FBLN5: variants seen among roughly 807,000 people sequenced by gnomAD.
FBLN5 encodes the protein fibulin-5.
Under a neutral mutation model 61.6 loss-of-function variants are expected in FBLN5, and 24 were observed. The observed-to-expected ratio is 0.39, with a 90% CI of 0.28 to 0.55. FBLN5 has a LOEUF of 0.55. Among genes scored for constraint, FBLN5 ranks in the 20% least tolerant of loss-of-function variants. FBLN5 has a pLI of 0.65. For synonymous variants in FBLN5, 213 were observed against 219.8 expected (o/e 0.97, Z 0.27); for missense variants, 470 against 594.1 (o/e 0.79, Z 2.17).
chr14:91,909,889 G>A (rs1466510526), intron 4 of FBLN5, among the ~76,000 whole-genome samples: 3 of 152,118 alleles, frequency 2.0e-5, no homozygotes, highest in Admixed American at 6.5e-5. Flanking sequence ...AGAAAAAAAC[G>A]TGTTGGTGAG....
intron 5 of FBLN5, among the ~76,000 whole-genome samples, chr14:91,892,071 G>C (rs1450051854): frequency 6.6e-6 from 1 of 152,190 alleles, no homozygotes; most frequent in Non-Finnish European, 1.5e-5. Flanking sequence ...CGGCACTGTG[G>C]GTGAATGGAT....
chr14:91,922,829 TATC>T (rs1408051524), intron 4 of FBLN5, among the ~76,000 whole-genome samples: 4 of 152,182 alleles, frequency 2.6e-5, no homozygotes, highest in African/African-American at 9.7e-5. Flanking sequence ...GGCCAGGCCC[TATC>T]ATCACAGTGA....
chr14:91,943,450 A>C lies in FBLN5; in HGVS notation c.18-489T>G, dbSNP rs1239654475. Among the ~76,000 whole-genome samples the C allele has an allele frequency of 6.6e-6, 1 of 152,034 alleles. No homozygotes were observed. The highest frequency in any genetic ancestry group is 1.5e-5 in the Non-Finnish European group (1 of 67,992). ...CTGAGCCCAGGGGGTTTGAGGCTGC[A>C]GTGAGCTGAGATCATACCACTGCAC... is the stretch of plus-strand genomic sequence containing the variant. On this transcript the variant is annotated intron_variant, in intron 1 of 10. Transcript: ENST00000342058. This position sits in a 1 kb window ranked among gnomAD's most constrained non-coding sequence, Gnocchi z 4.0.
chr14:91,947,310 G>T lies in FBLN5; in HGVS notation c.-81C>A. ...CCCCCGGAGGAGCTCGGGCACGTCG[G>T]CCTCCTCTGGGCCCTCGGGGCTCGC... On this transcript the variant is annotated 5_prime_UTR_variant, in exon 1 of 11. Transcript: ENST00000342058. This position sits in a 1 kb window ranked among gnomAD's most constrained non-coding sequence, Gnocchi z 4.3. The T allele has an allele frequency of 6.5e-7, 1 of 1,538,722 alleles. No individual in the cohort carries two copies. Among genetic ancestry groups the T allele is most frequent in the Non-Finnish European group, 9.0e-7 (1 of 1,112,694 alleles).
Position 91,947,313 on chromosome 14 carries a change from T to C in FBLN5, c.-84A>G. The C allele has an allele frequency of 6.6e-7, 1 of 1,523,278 alleles. No individual in the cohort carries two copies. The highest frequency in any genetic ancestry group is 9.1e-7 in the Non-Finnish European group (1 of 1,098,696). 94.4% of individuals were successfully genotyped at this position (1,523,278 alleles called of 1,614,324 possible). The stretch of plus-strand genomic sequence containing the variant: ...CCGGAGGAGCTCGGGCACGTCGGCC[T>C]CCTCTGGGCCCTCGGGGCTCGCGGG... On this transcript the variant is annotated 5_prime_UTR_variant, in exon 1 of 11. Transcript: ENST00000342058. The surrounding 1 kb of genome is among the most constrained non-coding windows in gnomAD (Gnocchi z 4.3).
intron 4 of FBLN5, among the ~76,000 whole-genome samples, chr14:91,936,517 G>A (rs1218725450): frequency 6.6e-6 from 1 of 152,202 alleles, no homozygotes; most frequent in Non-Finnish European, 1.5e-5. Flanking sequence ...AGAAGCACAT[G>A]TTCCAATCAA....
chr14:91,923,632 G>A (rs941269510), intron 4 of FBLN5, among the ~76,000 whole-genome samples: 2 of 152,068 alleles, frequency 1.3e-5, no homozygotes, highest in African/African-American at 4.8e-5. Context: ...CACATTCCTC[G>A]TGGGCACTCC....
At chr14:91,915,050 C>T (rs1891128587) in intron 4 of FBLN5, among the ~76,000 whole-genome samples, 1 of 151,956 alleles carries the variant, frequency 6.6e-6, no homozygotes, top group South Asian at 2.1e-4. Context: ...ATCCCAGCTA[C>T]TTAGGAGGCT....
intron 4 of FBLN5, among the ~76,000 whole-genome samples, chr14:91,898,438 C>T (rs554592053): frequency 6.4e-4 from 98 of 152,118 alleles, no homozygotes; most frequent in Non-Finnish European, 1.2e-3. Flanking sequence ...GCTTACACAC[C>T]TGATGGAGCT....
intron 4 of FBLN5, among the ~76,000 whole-genome samples, chr14:91,901,048 T>C (rs1475143271): frequency 6.6e-6 from 1 of 152,222 alleles, no homozygotes; most frequent in Non-Finnish European, 1.5e-5. Flanking sequence ...GGTACATTCC[T>C]TCATGGAGTC....
intron 4 of FBLN5, among the ~76,000 whole-genome samples, chr14:91,903,457 C>T (rs1383860051): frequency 2.6e-5 from 4 of 152,210 alleles, no homozygotes; most frequent in Non-Finnish European, 5.9e-5. Flanking sequence ...CAACATACTT[C>T]CTCCAACACA....
rs533654273 is a variant in FBLN5, at chr14:91,876,710, G to C, written c.1185+777C>G. Among the ~76,000 whole-genome samples, 7 of 152,322 alleles carry C rather than the reference G, an allele frequency of 4.6e-5. No homozygotes were observed. The South Asian group carries it at 1.0e-3, about 23-fold the overall frequency. On this transcript the variant is annotated intron_variant, in intron 10 of 10. Transcript: ENST00000342058. Reference sequence around the variant, plus strand: ...GAGATATGGAACGGATTCTCCTCTAGAGCCTCCAGAGGGAGCACAGCCCTG... The same window carrying C: ...GAGATATGGAACGGATTCTCCTCTACAGCCTCCAGAGGGAGCACAGCCCTG...
chr14:91,895,336 C>T (rs141455372), intron 4 of FBLN5, among the ~76,000 whole-genome samples: 2 of 152,346 alleles, frequency 1.3e-5, no homozygotes, highest in Non-Finnish European at 2.9e-5. Flanking sequence ...TTCTGCCATC[C>T]TATGCCATTG....
chr14:91,895,123 C>T (rs1201293373), intron 4 of FBLN5, 51 bp from the exon 5 acceptor site: 2 of 1,611,162 alleles, frequency 1.2e-6, no homozygotes, highest in Non-Finnish European at 1.7e-6. Flanking sequence ...ATCTAGAGCC[C>T]TGGAGCCACC....
intron 4 of FBLN5, among the ~76,000 whole-genome samples, chr14:91,912,531 G>C (rs952844637): frequency 1.3e-5 from 2 of 152,180 alleles, no homozygotes; most frequent in Non-Finnish European, 2.9e-5. Context: ...TGTAATCTCA[G>C]CTACTTGGGA....
Position 91,894,939 on chromosome 14 carries a change from A to C in FBLN5, c.502+11T>G. 1 of 1,590,684 alleles carries C rather than the reference A, an allele frequency of 6.3e-7. No individual in the cohort carries two copies. The highest frequency in any genetic ancestry group is 8.6e-7 in the Non-Finnish European group (1 of 1,165,090). On this transcript the variant is annotated intron_variant, in intron 5 of 10. Coordinates refer to ENST00000342058, the MANE Select transcript of FBLN5 (RefSeq NM_006329.4). ...CCAAGAGTCCCTGTGACCCCCCCAGAGAGCTGTTACCTAAGCACTGGCCTT... is the reference window on the plus strand; with the variant it reads ...CCAAGAGTCCCTGTGACCCCCCCAGCGAGCTGTTACCTAAGCACTGGCCTT...
At chr14:91,893,176 T>C (rs1419095197) in intron 5 of FBLN5, among the ~76,000 whole-genome samples, 2 of 152,238 alleles carry the variant, frequency 1.3e-5, no homozygotes, top group African/African-American at 4.8e-5. Flanking sequence ...AAAATGTTCT[T>C]TCTCTATGAG....
intron 5 of FBLN5, 145 bp from the exon 6 acceptor site, chr14:91,891,482 T>C: frequency 2.8e-6 from 2 of 726,702 alleles, no homozygotes; most frequent in Non-Finnish European, 2.5e-6. Context: ...GCCTACTGAG[T>C]GTCACGGATG....
intron 4 of FBLN5, among the ~76,000 whole-genome samples, chr14:91,925,351 T>C (rs1161728758): frequency 2.0e-5 from 3 of 152,154 alleles, no homozygotes; most frequent in Non-Finnish European, 4.4e-5. Flanking sequence ...GTCCTTGACA[T>C]CTAGTCTGTT....
Sources: gnomAD v4.1 joint callset for allele counts (sites outside exome capture counted in the v4.1 genomes callset) on GRCh38, gnomAD v4.1.1 for gene constraint, Gnocchi (gnomAD v3.1) non-coding constraint, MANE v1.5 for transcripts, NCBI Gene and HGNC (gene_info 2026-07-23, HGNC 2026-07-21) for gene names.